The following DTNA variants were observed in gnomAD, a reference collection of about 807,000 sequenced individuals.
The protein encoded by DTNA is dystrobrevin alpha.
A neutral mutation model predicts 100.7 loss-of-function variants in DTNA; 43 were observed. That is an observed-to-expected ratio of 0.43 (90% confidence interval 0.33 to 0.55). The LOEUF (loss-of-function observed/expected upper bound fraction) is 0.55, where lower values mean the gene tolerates loss of function less well. Ranked by LOEUF, DTNA falls within the 20% of genes least tolerant of loss-of-function variation. DTNA has a pLI of 0.04. For missense variants in DTNA, 798 were observed against 953.9 expected, an observed-to-expected ratio of 0.84 and a Z score of 2.15; for synonymous variants, 349 against 347.9, an observed-to-expected ratio of 1.00 and a Z score of -0.04.
chr18:34,493,740 C>G (rs914661542), intron 1 of DTNA, among the ~76,000 whole-genome samples: 1 of 148,796 alleles, frequency 6.7e-6, no homozygotes, highest in Non-Finnish European at 1.5e-5. Context: ...CGGACACAGG[C>G]GGCTCGGCGC....
intron 1 of DTNA, among the ~76,000 whole-genome samples, chr18:34,634,616 A>G (rs1481528544): frequency 6.6e-6 from 1 of 152,188 alleles, no homozygotes; most frequent in Non-Finnish European, 1.5e-5. Context: ...CAGAAAAGGC[A>G]AGAGCATTTT....
At chr18:34,815,382 T>A (rs2095573956) in intron 6 of DTNA, among the ~76,000 whole-genome samples, 1 of 152,168 alleles carries the variant, frequency 6.6e-6, no homozygotes, top group Non-Finnish European at 1.5e-5. Flanking sequence ...AGCAAATTTT[T>A]AAAAATGTAG....
chr18:34,614,267 A>G (rs1432537587), intron 1 of DTNA, among the ~76,000 whole-genome samples: 1 of 152,214 alleles, frequency 6.6e-6, no homozygotes, highest in Admixed American at 6.5e-5. Flanking sequence ...TTGACAATGC[A>G]CCTGGAGCAT....
At position 34,602,381 on chromosome 18, in the gene DTNA, C is replaced by T. The variant is rs2052055562; in HGVS notation, c.-2+108867C>T. On this transcript the variant is annotated intron_variant, in intron 1 of 19. Transcript: ENST00000283365. ...TTGGAACATGCTGTATACCGTATCC[C>T]TTTCTTGGAGATTTAGGTAAACATT... Among the ~76,000 whole-genome samples the T allele has an allele frequency of 2.0e-5, 3 of 152,094 alleles. No homozygotes were observed. The South Asian group carries it at 6.2e-4, about 32-fold the overall frequency.
intron 13 of DTNA, among the ~76,000 whole-genome samples, chr18:34,841,894 T>C (rs1482352666): frequency 2.0e-5 from 3 of 152,182 alleles, no homozygotes; most frequent in African/African-American, 7.2e-5. Flanking sequence ...ACTGACTTAT[T>C]TGTAATAGTT....
rs570493300 is a variant in DTNA, at chr18:34,868,568, C to A, written c.1743+4506C>A. On this transcript the variant is annotated intron_variant, in intron 17 of 22. Coordinates refer to ENST00000444659, the MANE Select transcript of DTNA (RefSeq NM_001386795.1). ...TCTTTGTAAAACCAAACTTAGAACA[C>A]CCCCACACAACAAATTGTGCTGGAT... 4.0e-5 allele frequency: 39 copies of A among 985,412 alleles called. No homozygotes were observed. The South Asian group carries it at 1.6e-3, about 42-fold the overall frequency. The allele number at this position is 985,412 out of a possible 1,614,324, so 61.0% of individuals were successfully genotyped here. A position where few individuals can be genotyped will look rare whatever the true frequency, so the allele number is the denominator to read the frequency against.
At chr18:34,649,776 T>C (rs572470399) in intron 1 of DTNA, among the ~76,000 whole-genome samples, 50 of 152,328 alleles carry the variant, frequency 3.3e-4, no homozygotes, top group Admixed American at 1.6e-3. Flanking sequence ...TAAGATTTTT[T>C]CAAAGATCTT....
chr18:34,825,416 A>G, intron 9 of DTNA: 1 of 1,040,298 alleles, frequency 9.6e-7, no homozygotes. Context: ...GTTCACAAGG[A>G]TGCCACTTAT....
In DTNA at chr18:34,670,809, G is replaced by A. The variant is rs370175229; in HGVS notation, c.-1-85167G>A. ...TTTTGTCTCAGAGGGGTACTCAGCC[G>A]TGTGAGGTGTCAGTCTGCCCCTACT... is the stretch of plus-strand genomic sequence containing the variant. On this transcript the variant is annotated intron_variant, in intron 1 of 19. Transcript: ENST00000283365. 3.3e-5 allele frequency among the ~76,000 whole-genome samples: 5 copies of A among 152,312 alleles called. No individual in the cohort carries two copies. In the East Asian group the frequency reaches 5.8e-4, roughly 18 times the overall value.
intron 1 of DTNA, among the ~76,000 whole-genome samples, chr18:34,558,991 GTTGA>G (rs2046389790): frequency 6.6e-6 from 1 of 152,134 alleles, no homozygotes; most frequent in South Asian, 2.1e-4. Context: ...CTTAATGTTG[GTTGA>G]TTAAGAGTAC....
intron 1 of DTNA, among the ~76,000 whole-genome samples, chr18:34,556,253 C>T (rs1278808889): frequency 3.3e-5 from 5 of 151,946 alleles, no homozygotes; most frequent in South Asian, 4.1e-4. Context: ...TTATTTTGAG[C>T]GTATGTGTGT....
In DTNA at chr18:34,838,833, TC is replaced by T. The variant is rs2096209865; in HGVS notation, c.1343del (p.Ser448TyrfsTer16). The T allele has an allele frequency of 6.2e-7, 1 of 1,613,504 alleles. No homozygotes were observed. The highest frequency in any genetic ancestry group is 1.3e-5 in the African/African-American group (1 of 74,980). On this transcript the variant is annotated frameshift_variant, in exon 13 of 23. Transcript: ENST00000444659. LOFTEE classifies it high-confidence loss of function. The stretch of plus-strand genomic sequence containing the variant: ...TGTCAACATGCTCCGGAACAACCCC[TC>T]ATGGTTAGTGCAGGTTTGGCTGCTT... The part of the protein sequence containing the change: ...LYVNMLRNNP[S>X]CMLESSNRLD...
At chr18:34,510,926 C>T (rs1227628888) in intron 1 of DTNA, among the ~76,000 whole-genome samples, 1 of 151,898 alleles carries the variant, frequency 6.6e-6, no homozygotes, top group Non-Finnish European at 1.5e-5. Context: ...ACGGTAACAA[C>T]CAGAAATGTG....
chr18:34,866,844 C>G lies in DTNA; in HGVS notation c.1743+2782C>G, dbSNP rs911177679. On this transcript the variant is annotated intron_variant, in intron 17 of 22. Coordinates refer to ENST00000444659, the MANE Select transcript of DTNA (RefSeq NM_001386795.1). ...CTTTTTCCTTAGCACCAGAGCCTTT[C>G]GGCTCCGGGAGACGAGAGGGTCATT... is the stretch of plus-strand genomic sequence containing the variant. The G allele has an allele frequency of 5.9e-6, 6 of 1,023,420 alleles. No homozygotes were observed. In the Admixed American group the frequency reaches 1.7e-4, roughly 29 times the overall value. 63.4% of individuals were successfully genotyped at this position (1,023,420 alleles called of 1,614,324 possible).
intron 1 of DTNA, among the ~76,000 whole-genome samples, chr18:34,570,808 A>C (rs2047513651): frequency 6.6e-6 from 1 of 152,174 alleles, no homozygotes; most frequent in Non-Finnish European, 1.5e-5. Flanking sequence ...AAGTTTAAAA[A>C]TTTTGGGTAC....
intron 1 of DTNA, among the ~76,000 whole-genome samples, chr18:34,686,233 G>A (rs893449967): frequency 6.6e-5 from 10 of 152,174 alleles, no homozygotes; most frequent in African/African-American, 2.2e-4. Context: ...CAAAGGGAAT[G>A]CTTCTGGCTT....
chr18:34,716,423 C>T (rs1201875760), intron 1 of DTNA, among the ~76,000 whole-genome samples: 3 of 151,960 alleles, frequency 2.0e-5, no homozygotes, highest in African/African-American at 4.8e-5. Flanking sequence ...ATTAGCTGGG[C>T]GTGGTGGCAG....
At chr18:34,608,514 T>A (rs1220439407) in intron 1 of DTNA, among the ~76,000 whole-genome samples, 4 of 79,990 alleles carry the variant, frequency 5.0e-5, no homozygotes, top group African/African-American at 3.4e-4. Flanking sequence ...ATTCGTTAGG[T>A]TTTTTTTTTT....
intron 15 of DTNA, 95 bp downstream of exon 15, chr18:34,852,023 G>A (rs1004240509): frequency 1.6e-6 from 2 of 1,239,974 alleles, no homozygotes; most frequent in Admixed American, 3.9e-5. Flanking sequence ...TTTACACCCT[G>A]TATGGCTACT....
Sources: gnomAD v4.1 joint callset for allele counts (sites outside exome capture counted in the v4.1 genomes callset) on GRCh38, gnomAD v4.1.1 for gene constraint, MANE v1.5 for transcripts, NCBI Gene and HGNC (gene_info 2026-07-23, HGNC 2026-07-21) for gene names.